The following ARID2 variants were observed in gnomAD, a reference collection of about 807,000 sequenced individuals.
ARID2 encodes the protein AT-rich interactive domain-containing protein 2.
A neutral mutation model predicts 184.6 loss-of-function variants in ARID2; 32 were observed. That is an observed-to-expected ratio of 0.17 (90% CI 0.13 to 0.23). The LOEUF (loss-of-function observed/expected upper bound fraction) is 0.23, where lower values mean the gene tolerates loss of function less well. ARID2 is among the 10% of genes least tolerant of loss of function. The pLI, the probability that ARID2 is intolerant of heterozygous loss-of-function variation, is 1.00. For missense variants in ARID2, 1,696 were observed against 2,197.6 expected (o/e 0.77, Z 4.56); for synonymous variants, 836 against 772.6 (o/e 1.08, Z -1.36).
intron 12 of ARID2, among the ~76,000 whole-genome samples, chr12:45,847,538 G>A (rs1943465155): frequency 6.6e-6 from 1 of 152,120 alleles, no homozygotes; most frequent in Admixed American, 6.5e-5. Flanking sequence ...AATTTCACTT[G>A]TTATGGATAG....
At chr12:45,884,376 A>G (rs1944151137) in intron 16 of ARID2, among the ~76,000 whole-genome samples, 2 of 152,182 alleles carry the variant, frequency 1.3e-5, no homozygotes, top group African/African-American at 4.8e-5. Flanking sequence ...AGCCTGCTCA[A>G]CAGAGTGAGA....
intron 3 of ARID2, among the ~76,000 whole-genome samples, chr12:45,796,622 G>A (rs534347877): frequency 2.0e-5 from 3 of 151,890 alleles, no homozygotes; most frequent in African/African-American, 7.3e-5. Context: ...CAAGCAGTTC[G>A]CCTGCTTTAG....
At chr12:45,846,247 T>C (rs1320949050) in intron 11 of ARID2, among the ~76,000 whole-genome samples, 1 of 152,200 alleles carries the variant, frequency 6.6e-6, no homozygotes, top group African/African-American at 2.4e-5. Context: ...CTTCTTTTTT[T>C]CTTCCCCAGA....
At chr12:45,881,871 T>C in intron 16 of ARID2, 1 of 225,352 alleles carries the variant, frequency 4.4e-6, no homozygotes, top group South Asian at 7.6e-5. Context: ...GGTCTCCTCC[T>C]CACTGTGTCT....
At chr12:45,899,649 T>TTGGTTATATATATATA (rs1944422198) in intron 20 of ARID2, among the ~76,000 whole-genome samples, 1 of 73,058 alleles carries the variant, frequency 1.4e-5, no homozygotes, top group Non-Finnish European at 2.8e-5. Flanking sequence ...ATATATATAT[T>TTGGTTATATATATATA]TGGTTATATA....
chr12:45,832,140 A>G (rs958369547), intron 6 of ARID2, among the ~76,000 whole-genome samples: 19 of 152,114 alleles, frequency 1.2e-4, no homozygotes, highest in African/African-American at 4.1e-4. Flanking sequence ...TTATCTAAAA[A>G]TTTTATTTTG....
At chr12:45,798,204 A>G (rs1020823387) in intron 3 of ARID2, among the ~76,000 whole-genome samples, 2 of 138,484 alleles carry the variant, frequency 1.4e-5, no homozygotes, top group South Asian at 4.7e-4. Context: ...TATTGTTTGA[A>G]CGTGTTTTTT....
chr12:45,895,720 C>T lies in ARID2; in HGVS notation c.5363+1999C>T, dbSNP rs569567304. Among the ~76,000 whole-genome samples, 9 of 152,154 alleles carry T rather than the reference C, an allele frequency of 5.9e-5. No homozygotes were observed. In the South Asian group the frequency reaches 1.2e-3, roughly 21 times the overall value. On this transcript the variant is annotated intron_variant, in intron 20 of 20. Coordinates refer to ENST00000334344, the MANE Select transcript of ARID2 (RefSeq NM_152641.4). ...GAGCTAATTTTTGTATTTTTAGTAG[C>T]GACAGAGTTTCACCATGTTGGCCAG... is the stretch of plus-strand genomic sequence containing the variant.
At chr12:45,835,592 G>A (rs989165278) in intron 6 of ARID2, among the ~76,000 whole-genome samples, 5 of 152,100 alleles carry the variant, frequency 3.3e-5, no homozygotes, top group Non-Finnish European at 7.4e-5. Flanking sequence ...CAGAGTTGAA[G>A]AAATTCTAAA....
chr12:45,885,876 T>A (rs952270921), intron 16 of ARID2, among the ~76,000 whole-genome samples: 4 of 152,172 alleles, frequency 2.6e-5, no homozygotes, highest in African/African-American at 9.7e-5. Context: ...GGGTCCCTCC[T>A]ATGACAAGTA....
chr12:45,849,645 T>G lies in ARID2; in HGVS notation c.1781T>G (p.Ile594Ser), dbSNP rs1943504481. The G allele has an allele frequency of 6.2e-7, 1 of 1,613,602 alleles. No homozygotes were observed. The highest frequency in any genetic ancestry group is 1.3e-5 in the African/African-American group (1 of 74,906). The stretch of plus-strand genomic sequence containing the variant: ...TCCAGTAGCAATGGGCAGGCACATA[T>G]TCATGTGGTAGGAGTAAAACGGAGG... ...EDSSSNGQAH[I>S]HVVGVKRRAI... The change falls in exon 14 of 21, where the codon ATT becomes AGT. Residue 594 changes from isoleucine to serine, a missense_variant. By Grantham distance (142) the Ile-to-Ser change is moderately radical (BLOSUM62 -2). This residue lies in a region of ARID2 where 713 missense variants were observed against 824.4 expected (regional missense o/e 0.86). Coordinates refer to ENST00000334344, the MANE Select transcript of ARID2 (RefSeq NM_152641.4).
At chr12:45,889,342 G>A (rs937740585) in intron 16 of ARID2, among the ~76,000 whole-genome samples, 1 of 152,096 alleles carries the variant, frequency 6.6e-6, no homozygotes, top group Non-Finnish European at 1.5e-5. Flanking sequence ...TAGTATACTT[G>A]GCTATATATC....
In ARID2 at chr12:45,885,130, A is replaced by G. The variant is rs373524089; in HGVS notation, c.4923-6650A>G. ...AATAAAGTTGGGTTAGCCTCTCACC[A>G]AGGTTGTTGGTATATTTTTTCCCCA... is the stretch of plus-strand genomic sequence containing the variant. On this transcript the variant is annotated intron_variant, in intron 16 of 20. Coordinates refer to ENST00000334344, the MANE Select transcript of ARID2 (RefSeq NM_152641.4). 2.0e-5 allele frequency among the ~76,000 whole-genome samples: 3 copies of G among 151,000 alleles called. No homozygotes were observed. The East Asian group carries it at 5.8e-4, about 29-fold the overall frequency.
In ARID2 at chr12:45,846,888, C is replaced by T. The variant is rs2138150414; in HGVS notation, c.1531C>T (p.Pro511Ser). 1.9e-6 allele frequency: 3 copies of T among 1,612,974 alleles called. No individual in the cohort carries two copies. In the South Asian group the frequency reaches 3.3e-5, roughly 18 times the overall value. The change falls in exon 12 of 21, where the codon CCA becomes TCA. Residue 511 changes from proline (P) to serine (S), a missense_variant. This residue lies in a region of ARID2 where 713 missense variants were observed against 824.4 expected (regional missense o/e 0.86). Coordinates refer to ENST00000334344, the MANE Select transcript of ARID2 (RefSeq NM_152641.4). Reference sequence around the variant, plus strand: ...AGCAGTTGTAGCGCAGCATGTTGCTCCACCTCCAGGAATAGTGGAAATAGA... The same window carrying T: ...AGCAGTTGTAGCGCAGCATGTTGCTTCACCTCCAGGAATAGTGGAAATAGA... ...SRAVVAQHVA[P>S]PPGIVEIDSE...
chr12:45,889,629 C>T (rs937663101), intron 16 of ARID2, among the ~76,000 whole-genome samples: 3 of 152,202 alleles, frequency 2.0e-5, no homozygotes, highest in Admixed American at 6.5e-5. Flanking sequence ...CAATATTACA[C>T]GTAAACTTTT....
chr12:45,884,191 G>A (rs1019158212), intron 16 of ARID2, among the ~76,000 whole-genome samples: 1 of 152,124 alleles, frequency 6.6e-6, no homozygotes, highest in Non-Finnish European at 1.5e-5. Context: ...GAGGTCACGA[G>A]TTCAAGACCA....
chr12:45,837,848 A>C (rs1461961320), intron 10 of ARID2, 141 bp downstream of exon 10: 2 of 605,964 alleles, frequency 3.3e-6, no homozygotes, highest in Admixed American at 3.3e-5. Context: ...ACTTGTTTCC[A>C]TTATTCTTTA....
chr12:45,744,928 A>G (rs1941327478), intron 3 of ARID2, among the ~76,000 whole-genome samples: 1 of 152,204 alleles, frequency 6.6e-6, no homozygotes, highest in South Asian at 2.1e-4. Flanking sequence ...TGCTTGGAAC[A>G]TCCCTCCTTC....
chr12:45,844,258 A>G (rs557034576), intron 11 of ARID2, among the ~76,000 whole-genome samples: 53 of 152,206 alleles, frequency 3.5e-4, no homozygotes, highest in African/African-American at 1.2e-3. Flanking sequence ...GGATCAAGCA[A>G]TTCACCCACT....
Sources: allele counts gnomAD v4.1 joint callset (sites outside exome capture counted in the v4.1 genomes callset), GRCh38; gene constraint gnomAD v4.1.1; regional missense constraint gnomAD v4.1.1; transcripts MANE v1.5; gene names NCBI Gene and HGNC (gene_info 2026-07-23, HGNC 2026-07-21).